CRTC3: variants seen among roughly 807,000 people sequenced by gnomAD.
CRTC3 encodes the protein CREB-regulated transcription coactivator 3.
CRTC3 carries 26 observed loss-of-function variants against 74.5 expected under a neutral mutation model. That is an observed-to-expected ratio of 0.35 (90% confidence interval 0.26 to 0.48). CRTC3 has a LOEUF of 0.48. CRTC3 is among the 20% of genes least tolerant of loss of function. CRTC3 has a pLI of 0.99. For missense variants in CRTC3, 760 were observed against 787.3 expected (o/e 0.97, Z 0.41); for synonymous variants, 377 against 325.8 (o/e 1.16, Z -1.69).
intron 3 of CRTC3, chr15:90,594,222 A>G (rs1367912801): frequency 6.6e-6 from 1 of 152,570 alleles, no homozygotes; most frequent in African/African-American, 2.4e-5. Context: ...TTTCAAACTC[A>G]GTAAGTGATA....
chr15:90,547,889 CTTTTTTT>C (rs34721161), intron 2 of CRTC3, among the ~76,000 whole-genome samples: 2 of 100,444 alleles, frequency 2.0e-5, no homozygotes, highest in Non-Finnish European at 4.1e-5. Context: ...TTTTCGTATC[CTTTTTTT>C]TTTTTTTTTT....
At chr15:90,555,081 C>T (rs1456334516) in intron 2 of CRTC3, among the ~76,000 whole-genome samples, 4 of 152,028 alleles carry the variant, frequency 2.6e-5, no homozygotes, top group African/African-American at 9.7e-5. Flanking sequence ...AAGGTGAGTG[C>T]TTTGTGTGGG....
intron 2 of CRTC3, among the ~76,000 whole-genome samples, chr15:90,564,093 G>A (rs1967071559): frequency 1.3e-5 from 2 of 152,110 alleles, no homozygotes; most frequent in Non-Finnish European, 2.9e-5. Flanking sequence ...GACTGTGGAG[G>A]CCAAGAAGGA....
chr15:90,530,295 G>A lies in CRTC3; in HGVS notation c.132+92G>A. 1 of 762,288 alleles carries A rather than the reference G, an allele frequency of 1.3e-6. No homozygotes were observed. The highest frequency in any genetic ancestry group is 1.6e-6 in the Non-Finnish European group (1 of 625,590). 47.2% of individuals were successfully genotyped at this position (762,288 alleles called of 1,614,324 possible). On this transcript the variant is annotated intron_variant, in intron 1 of 14. Coordinates refer to ENST00000268184, the MANE Select transcript of CRTC3 (RefSeq NM_022769.5). This position sits in a 1 kb window ranked among gnomAD's most constrained non-coding sequence, Gnocchi z 6.2. The stretch of plus-strand genomic sequence containing the variant: ...GAGGTTGCGGGGCCAAGGCGATGGC[G>A]GGGCCGGGCGGGGGCCGCGCCCGGG...
At chr15:90,599,370 T>C (rs1968011994) in intron 3 of CRTC3, 1 of 152,220 alleles carries the variant, frequency 6.6e-6, no homozygotes, top group Non-Finnish European at 1.5e-5. Flanking sequence ...GCCAGAAATG[T>C]TTCTTGAGTA....
At chr15:90,559,960 G>A (rs1482691143) in intron 2 of CRTC3, among the ~76,000 whole-genome samples, 1 of 152,110 alleles carries the variant, frequency 6.6e-6, no homozygotes, top group African/African-American at 2.4e-5. Flanking sequence ...TGTATTTACC[G>A]GCCATTCTGG....
At chr15:90,604,786 G>A (rs1302435481) in intron 5 of CRTC3, among the ~76,000 whole-genome samples, 2 of 152,202 alleles carry the variant, frequency 1.3e-5, no homozygotes, top group African/African-American at 4.8e-5. Flanking sequence ...GGAAGCATAT[G>A]TGCTGAATAA....
Position 90,530,157 on chromosome 15 carries a change from A to G in CRTC3, c.86A>G (p.Glu29Gly). The G allele has an allele frequency of 6.9e-7, 1 of 1,441,302 alleles. No homozygotes were observed. The highest frequency in any genetic ancestry group is 9.2e-7 in the Non-Finnish European group (1 of 1,081,136). The allele number at this position is 1,441,302 out of a possible 1,614,324, so 89.3% of individuals were successfully genotyped here. Residue 29 changes from glutamate (E) to glycine (G), a missense_variant, in exon 1 of 15, where the codon GAG becomes GGG. Transcript: ENST00000268184. The surrounding 1 kb of genome is among the most constrained non-coding windows in gnomAD (Gnocchi z 6.2). The stretch of plus-strand genomic sequence containing the variant: ...CTGCACACGCAGAGACAGGCCGAGG[A>G]GACGCGGGCCTTCGAGCAGCTCATG... Reference protein sequence around the residue: ...IALHTQRQAEETRAFEQLMTD... With the variant: ...IALHTQRQAEGTRAFEQLMTD...
chr15:90,604,595 T>A, intron 5 of CRTC3, 148 bp downstream of exon 5: 1 of 644,682 alleles, frequency 1.6e-6, no homozygotes, highest in Non-Finnish European at 2.8e-6. Context: ...TTTTTGAGTG[T>A]CTACAGGGGA....
rs1200039191 is a variant in CRTC3 at position 90,582,965 on chromosome 15, A to C, written c.232-10671A>C. ...TGCCTTTTCTTGAGCAGGATCCCCCAGCATGAACTCTGGGCGTGTTTTATG... is the reference window on the plus strand; with the variant it reads ...TGCCTTTTCTTGAGCAGGATCCCCCCGCATGAACTCTGGGCGTGTTTTATG... On this transcript the variant is annotated intron_variant, in intron 2 of 14. Coordinates refer to ENST00000268184, the MANE Select transcript of CRTC3 (RefSeq NM_022769.5). Among the ~76,000 whole-genome samples the C allele has an allele frequency of 2.6e-5, 4 of 152,270 alleles. No individual in the cohort carries two copies. In the East Asian group the frequency reaches 7.7e-4, roughly 29 times the overall value.
chr15:90,570,065 TAAAAA>T (rs1046500963), intron 2 of CRTC3, among the ~76,000 whole-genome samples: 1 of 152,186 alleles, frequency 6.6e-6, no homozygotes, highest in African/African-American at 2.4e-5. Context: ...ACAAAATACT[TAAAAA>T]GGAATACAAT....
At chr15:90,608,878 A>G (rs1029575765) in intron 6 of CRTC3, among the ~76,000 whole-genome samples, 9 of 152,230 alleles carry the variant, frequency 5.9e-5, no homozygotes, top group African/African-American at 1.2e-4. Flanking sequence ...TCTGGGGTTT[A>G]TAATCTAGAA....
rs1967995905 is a variant in CRTC3 at position 90,598,815 on chromosome 15, G to A, written c.352-3509G>A. On this transcript the variant is annotated intron_variant, in intron 3 of 14. Transcript: ENST00000268184. ...ACTGTGGGTGACAGTGGGGCCGAGGGAAGGATGCGATTGGCCAAGGCGAGC... is the reference window on the plus strand; with the variant it reads ...ACTGTGGGTGACAGTGGGGCCGAGGAAAGGATGCGATTGGCCAAGGCGAGC... The A allele has an allele frequency of 6.9e-5, 24 of 347,134 alleles. 2 individuals carry two copies. The South Asian group carries it at 8.1e-4, about 12-fold the overall frequency. 21.5% of individuals were successfully genotyped at this position (347,134 alleles called of 1,614,324 possible).
rs1008299685 is a variant in CRTC3 at position 90,642,441 on chromosome 15, C to A, written c.*301C>A. 1.7e-5 allele frequency: 8 copies of A among 469,838 alleles called. No individual in the cohort carries two copies. Among genetic ancestry groups the A allele is most frequent in the Non-Finnish European group, 2.0e-5 (5 of 255,622 alleles). 29.1% of individuals were successfully genotyped at this position (469,838 alleles called of 1,614,324 possible). ...TCTTTTTACTGGCCATCCAGTCAGC[C>A]GATGTGTAAGAGTAGGAAATACTGT... On this transcript the variant is annotated 3_prime_UTR_variant, in exon 15 of 15. Coordinates refer to ENST00000268184, the MANE Select transcript of CRTC3 (RefSeq NM_022769.5).
intron 2 of CRTC3, among the ~76,000 whole-genome samples, chr15:90,589,558 CTG>C: frequency 6.6e-6 from 1 of 152,204 alleles, no homozygotes; most frequent in East Asian, 1.9e-4. Context: ...GGGTCTCACA[CTG>C]TGTTGTCCAG....
chr15:90,644,238 A>C lies in CRTC3; in HGVS notation c.*2098A>C, dbSNP rs534287695. The C allele has an allele frequency of 8.7e-6, 2 of 228,934 alleles. No individual in the cohort carries two copies. The highest frequency in any genetic ancestry group is 8.7e-6 in the Non-Finnish European group (1 of 115,508). The allele number at this position is 228,934 out of a possible 1,614,324, so 14.2% of individuals were successfully genotyped here. On this transcript the variant is annotated 3_prime_UTR_variant, in exon 15 of 15. Transcript: ENST00000268184. Reference sequence around the variant, plus strand: ...CAGAGGGGGTGGCTTTTTGTTAAAGAGCCTTCAGTCGCAATGCTACCCAGC... The same window carrying C: ...CAGAGGGGGTGGCTTTTTGTTAAAGCGCCTTCAGTCGCAATGCTACCCAGC...
chr15:90,634,333 C>G (rs1057501546), intron 11 of CRTC3, among the ~76,000 whole-genome samples: 1 of 152,120 alleles, frequency 6.6e-6, no homozygotes, highest in Non-Finnish European at 1.5e-5. Flanking sequence ...AGGCTGGTTT[C>G]AAACTCCTGA....
At chr15:90,544,324 GC>G (rs1440608643) in intron 2 of CRTC3, among the ~76,000 whole-genome samples, 1 of 152,130 alleles carries the variant, frequency 6.6e-6, no homozygotes, top group Non-Finnish European at 1.5e-5. Flanking sequence ...TGGATTTAGG[GC>G]CTACCCTAAT....
chr15:90,615,952 TG>T (rs1197413887), intron 7 of CRTC3, among the ~76,000 whole-genome samples: 1 of 151,930 alleles, frequency 6.6e-6, no homozygotes, highest in Non-Finnish European at 1.5e-5. Flanking sequence ...CTCCGCCTCC[TG>T]GGTTCAAGCG....
Sources: allele counts gnomAD v4.1 joint callset (sites outside exome capture counted in the v4.1 genomes callset), GRCh38; gene constraint gnomAD v4.1.1; non-coding constraint Gnocchi (gnomAD v3.1); transcripts MANE v1.5; gene names NCBI Gene and HGNC (gene_info 2026-07-23, HGNC 2026-07-21).